The following TRPS1 variants were observed in gnomAD, a reference collection of about 807,000 sequenced individuals.
The protein encoded by TRPS1 is zinc finger transcription factor Trps1.
A neutral mutation model predicts 101.2 loss-of-function variants in TRPS1; 6 were observed. The observed-to-expected ratio is 0.06, with a 90% CI of 0.03 to 0.12. The LOEUF (loss-of-function observed/expected upper bound fraction) is 0.12. Ranked by LOEUF, TRPS1 falls within the 10% of genes least tolerant of loss-of-function variation. The pLI, the probability that TRPS1 is intolerant of heterozygous loss-of-function variation, is 1.00. For missense variants in TRPS1, 1,363 were observed against 1,567.0 expected (o/e 0.87, Z 2.20); for synonymous variants, 578 against 589.8 (o/e 0.98, Z 0.29).
chr8:115,661,315 T>G (rs1158315180), intron 1 of TRPS1, among the ~76,000 whole-genome samples: 1 of 152,058 alleles, frequency 6.6e-6, no homozygotes, highest in Non-Finnish European at 1.5e-5. Context: ...AAGATTCACA[T>G]TTCAAGCACA....
At chr8:115,580,838 A>G (rs913667115) in intron 5 of TRPS1, among the ~76,000 whole-genome samples, 1 of 152,044 alleles carries the variant, frequency 6.6e-6, no homozygotes, top group African/African-American at 2.4e-5. Context: ...AACAGTATGG[A>G]GGCTCCTCAA....
chr8:115,572,310 G>T (rs1586416116), intron 5 of TRPS1, among the ~76,000 whole-genome samples: 1 of 152,162 alleles, frequency 6.6e-6, no homozygotes. Flanking sequence ...TTCTCTGTAG[G>T]CTAGTGTACT....
At chr8:115,480,128 T>G (rs1026168543) in intron 5 of TRPS1, among the ~76,000 whole-genome samples, 13 of 152,152 alleles carry the variant, frequency 8.5e-5, no homozygotes, top group African/African-American at 3.1e-4. Context: ...TGAAGATGAC[T>G]GTGAAAGTCA....
At chr8:115,626,059 T>C (rs537418603) in intron 1 of TRPS1, among the ~76,000 whole-genome samples, 2 of 151,798 alleles carry the variant, frequency 1.3e-5, no homozygotes, top group Non-Finnish European at 3.0e-5. Context: ...TACTGAGTTA[T>C]TAATTACACA....
At chr8:115,503,692 A>G (rs932671159) in intron 5 of TRPS1, among the ~76,000 whole-genome samples, 2 of 152,220 alleles carry the variant, frequency 1.3e-5, no homozygotes, top group Non-Finnish European at 2.9e-5. Context: ...AATAACTTTG[A>G]AAGACAGCAA....
intron 5 of TRPS1, among the ~76,000 whole-genome samples, chr8:115,474,054 A>T (rs1195599081): frequency 2.0e-5 from 3 of 152,180 alleles, no homozygotes; most frequent in African/African-American, 7.2e-5. Context: ...ATAAAAAAAG[A>T]AGACTCTAGG....
At position 115,623,460 on chromosome 8, in the gene TRPS1, C is replaced by T. The variant is rs147528041; in HGVS notation, c.37+141G>A. On this transcript the variant is annotated intron_variant, in intron 2 of 6. Coordinates refer to ENST00000395715, the MANE Select transcript of TRPS1 (RefSeq NM_014112.5). ...TTCTAAGTGGAAGAAACTCCCCTAG[C>T]GAGTCGTAAGTTAGATACCATAAGA... The T allele has an allele frequency of 1.6e-3, 1,378 of 853,906 alleles. 10 individuals are homozygous for T. The African/African-American group carries it at 0.021, about 13-fold the overall frequency. The allele number at this position is 853,906 out of a possible 1,614,324, so 52.9% of individuals were successfully genotyped here.
chr8:115,514,562 G>T (rs1436913498), intron 5 of TRPS1, among the ~76,000 whole-genome samples: 1 of 151,302 alleles, frequency 6.6e-6, no homozygotes, highest in Non-Finnish European at 1.5e-5. Context: ...ACACTTAGTA[G>T]TTTTTTTAAT....
At chr8:115,611,970 CAGA>C (rs757939061) in intron 3 of TRPS1, among the ~76,000 whole-genome samples, 2 of 151,374 alleles carry the variant, frequency 1.3e-5, no homozygotes, top group Non-Finnish European at 2.9e-5. Context: ...TGCTTTTCAA[CAGA>C]AGTAGTCCCA....
intron 5 of TRPS1, among the ~76,000 whole-genome samples, chr8:115,549,685 A>C (rs1347311556): frequency 6.6e-6 from 1 of 151,880 alleles, no homozygotes; most frequent in African/African-American, 2.4e-5. Context: ...AAAAAAAAAA[A>C]AAACGCTAAA....
At chr8:115,427,083 G>A (rs568841092) in intron 5 of TRPS1, among the ~76,000 whole-genome samples, 1 of 151,902 alleles carries the variant, frequency 6.6e-6, no homozygotes, top group African/African-American at 2.4e-5. Context: ...ATCAACCAAG[G>A]CAAACACAGC....
intron 5 of TRPS1, among the ~76,000 whole-genome samples, chr8:115,440,383 T>A (rs1399744098): frequency 1.3e-5 from 2 of 152,156 alleles, no homozygotes; most frequent in African/African-American, 2.4e-5. Context: ...TTCTTGCATT[T>A]CATCTGAGAG....
At chr8:115,533,015 G>A (rs373071168) in intron 5 of TRPS1, among the ~76,000 whole-genome samples, 1 of 152,062 alleles carries the variant, frequency 6.6e-6, no homozygotes, top group African/African-American at 2.4e-5. Flanking sequence ...AAGAGAACAC[G>A]GTCTAAACCA....
At chr8:115,621,392 T>C (rs568278896) in intron 2 of TRPS1, among the ~76,000 whole-genome samples, 23 of 152,336 alleles carry the variant, frequency 1.5e-4, no homozygotes, top group African/African-American at 5.5e-4. Context: ...TGAGAAAATC[T>C]AAATTAATAA....
intron 1 of TRPS1, among the ~76,000 whole-genome samples, chr8:115,647,568 C>G (rs1182512778): frequency 6.6e-6 from 1 of 152,092 alleles, no homozygotes; most frequent in Non-Finnish European, 1.5e-5. Flanking sequence ...TTTATAGTTT[C>G]TGATTGAGAA....
intron 5 of TRPS1, among the ~76,000 whole-genome samples, chr8:115,461,304 GATACATACATACATACATAC>G (rs57142241): frequency 2.7e-5 from 2 of 75,430 alleles, no homozygotes; most frequent in Admixed American, 2.7e-4. Flanking sequence ...TAGATAGACA[GATACATACATACATACATAC>G]ATACATACAT....
intron 5 of TRPS1, among the ~76,000 whole-genome samples, chr8:115,573,361 T>C (rs908343355): frequency 1.3e-5 from 2 of 152,166 alleles, no homozygotes; most frequent in African/African-American, 2.4e-5. Context: ...GCCTTGCCCA[T>C]AGTTAGTCTT....
chr8:115,424,511 C>T (rs1456778649), intron 5 of TRPS1, among the ~76,000 whole-genome samples: 1 of 152,188 alleles, frequency 6.6e-6, no homozygotes, highest in Non-Finnish European at 1.5e-5. Flanking sequence ...CCAGTGGAAT[C>T]TTCTAAAAAC....
Position 115,430,746 on chromosome 8 carries a change from C to T in TRPS1, c.2701-12294G>A, listed in dbSNP as rs548364021. 1.6e-4 allele frequency among the ~76,000 whole-genome samples: 24 copies of T among 152,014 alleles called. 1 individual carries two copies. The highest frequency in any genetic ancestry group is 5.1e-4 in the African/African-American group (21 of 41,478). On this transcript the variant is annotated intron_variant, in intron 5 of 6. Transcript: ENST00000395715. ...AAACATATATACATACATACACTCA[C>T]GTAAATGAATGGAATCATTTTCAGC...
Sources: gnomAD v4.1 joint callset for allele counts (sites outside exome capture counted in the v4.1 genomes callset) on GRCh38, gnomAD v4.1.1 for gene constraint, MANE v1.5 for transcripts, NCBI Gene and HGNC (gene_info 2026-07-23, HGNC 2026-07-21) for gene names.